Variants in STARD10 observed in about 807,000 individuals in gnomAD.
The protein encoded by STARD10 is StAR related lipid transfer domain containing 10.
Under a neutral mutation model 36.0 loss-of-function variants are expected in STARD10, and 24 were observed. The observed-to-expected ratio is 0.67, with a 90% CI of 0.48 to 0.94. STARD10 has a LOEUF of 0.94. Ranked by LOEUF, STARD10 falls within the 40% of genes least tolerant of loss-of-function variation. STARD10 has a pLI of 0.00. For missense variants in STARD10, 335 were observed against 396.6 expected, an observed-to-expected ratio of 0.84 and a Z score of 1.32; for synonymous variants, 156 against 161.9, an observed-to-expected ratio of 0.96 and a Z score of 0.28.
At chr11:72,773,006 C>CTT (rs1451626696) in intron 2 of STARD10, among the ~76,000 whole-genome samples, 1 of 152,224 alleles carries the variant, frequency 6.6e-6, no homozygotes, top group Non-Finnish European at 1.5e-5. Context: ...GGCCTTGAGT[C>CTT]TCTTAAGAGC....
At chr11:72,792,742 G>C (rs899461215) in intron 1 of STARD10, 133 bp downstream of exon 1, 2 of 152,700 alleles carry the variant, frequency 1.3e-5, no homozygotes, top group African/African-American at 4.8e-5. Context: ...GGAGTTACCT[G>C]AGTACCCAAT....
At chr11:72,786,073 CG>C (rs1177417536) in intron 1 of STARD10, 1 of 152,496 alleles carries the variant, frequency 6.6e-6, no homozygotes, top group African/African-American at 2.4e-5. Flanking sequence ...TGCAGCAGGC[CG>C]GGCGCGGTGG....
At chr11:72,759,633 G>A (rs1858690742) in intron 2 of STARD10, among the ~76,000 whole-genome samples, 2 of 152,146 alleles carry the variant, frequency 1.3e-5, no homozygotes, top group African/African-American at 4.8e-5. Context: ...TCCTCCTCCA[G>A]GAAGCCTTCC....
chr11:72,783,764 T>C (rs188086272), intron 1 of STARD10, among the ~76,000 whole-genome samples: 1 of 152,160 alleles, frequency 6.6e-6, no homozygotes, highest in Non-Finnish European at 1.5e-5. Context: ...AAACCTCTCA[T>C]ACCCACCATC....
chr11:72,769,419 A>T (rs894151005), intron 2 of STARD10, among the ~76,000 whole-genome samples: 2 of 152,216 alleles, frequency 1.3e-5, no homozygotes, highest in African/African-American at 4.8e-5. Flanking sequence ...ATTTAAAAAG[A>T]AATTTCTCTT....
intron 1 of STARD10, among the ~76,000 whole-genome samples, chr11:72,786,354 G>A (rs1466276983): frequency 6.6e-6 from 1 of 150,932 alleles, no homozygotes; most frequent in Admixed American, 6.6e-5. Flanking sequence ...TCTGTCTCCA[G>A]TTAAAAAAAA....
At chr11:72,765,731 G>T (rs1858779100) in intron 2 of STARD10, among the ~76,000 whole-genome samples, 1 of 151,960 alleles carries the variant, frequency 6.6e-6, no homozygotes, top group Admixed American at 6.6e-5. Context: ...AGCACTTCGG[G>T]AGGCCGAGGC....
chr11:72,757,701 G>T lies in STARD10; in HGVS notation c.577+66C>A, dbSNP rs1186919509. The T allele has an allele frequency of 2.1e-6, 3 of 1,455,226 alleles. No individual in the cohort carries two copies. The African/African-American group carries it at 4.2e-5, about 20-fold the overall frequency. 90.1% of individuals were successfully genotyped at this position (1,455,226 alleles called of 1,614,324 possible). A position where few individuals can be genotyped will look rare whatever the true frequency, so the allele number is the denominator to read the frequency against. On this transcript the variant is annotated intron_variant, in intron 5 of 6. Coordinates refer to ENST00000334805, the MANE Select transcript of STARD10 (RefSeq NM_006645.3). The stretch of plus-strand genomic sequence containing the variant: ...CAGATGCCCTTCTGGATCCCTAGTA[G>T]ATCAGGCCCCACCCCTGTGGTATAG...
At chr11:72,766,102 T>A (rs1858785274) in intron 2 of STARD10, 1 of 152,152 alleles carries the variant, frequency 6.6e-6, no homozygotes, top group Non-Finnish European at 1.5e-5. Context: ...CACTACTGCA[T>A]TTGACTAGTC....
chr11:72,772,233 T>C (rs148126260), intron 2 of STARD10, among the ~76,000 whole-genome samples: 2,283 of 122,188 alleles, frequency 0.019, 52 homozygotes, highest in African/African-American at 0.056. Flanking sequence ...ATAGTGGGCA[T>C]GGCTCCCCTG....
intron 2 of STARD10, among the ~76,000 whole-genome samples, chr11:72,769,921 C>G (rs1221744310): frequency 6.6e-6 from 1 of 152,086 alleles, no homozygotes; most frequent in South Asian, 2.1e-4. Flanking sequence ...CCTTCAGAAC[C>G]CAGACAGGCC....
intron 5 of STARD10, 101 bp from the exon 6 acceptor site, chr11:72,755,854 T>C (rs1858637811): frequency 1.8e-6 from 2 of 1,103,962 alleles, no homozygotes; most frequent in African/African-American, 3.2e-5. Context: ...GAGGCCACTG[T>C]CTTCCCCATG....
intron 2 of STARD10, among the ~76,000 whole-genome samples, chr11:72,760,810 T>C (rs1191125003): frequency 6.7e-6 from 1 of 150,300 alleles, no homozygotes; most frequent in East Asian, 1.9e-4. Flanking sequence ...TCAATATCCT[T>C]GTTCTGTGAT....
intron 1 of STARD10, among the ~76,000 whole-genome samples, chr11:72,792,016 C>T (rs988985486): frequency 9.6e-5 from 14 of 145,472 alleles, no homozygotes; most frequent in South Asian, 4.4e-4. Flanking sequence ...CTGGGACTAC[C>T]GGCATACACC....
At chr11:72,784,783 C>T (rs1014633569) in intron 1 of STARD10, among the ~76,000 whole-genome samples, 1 of 152,284 alleles carries the variant, frequency 6.6e-6, no homozygotes, top group Non-Finnish European at 1.5e-5. Context: ...TGGGGCATCA[C>T]GGAGCAGGAG....
intron 2 of STARD10, among the ~76,000 whole-genome samples, chr11:72,774,389 G>A (rs1424995259): frequency 1.3e-5 from 2 of 152,190 alleles, no homozygotes; most frequent in African/African-American, 2.4e-5. Flanking sequence ...AGCTCCAGCT[G>A]CCCTGTGCCA....
chr11:72,788,008 G>A (rs1429905110), intron 1 of STARD10, among the ~76,000 whole-genome samples: 1 of 152,148 alleles, frequency 6.6e-6, no homozygotes, highest in East Asian at 1.9e-4. Context: ...GTTTGGGGGG[G>A]GCAGCCCCAA....
intron 1 of STARD10, among the ~76,000 whole-genome samples, chr11:72,787,372 C>T (rs2135040836): frequency 6.6e-6 from 1 of 152,324 alleles, no homozygotes; most frequent in East Asian, 1.9e-4. Context: ...AGAAGTCTAG[C>T]TGCAATCCCT....
chr11:72,773,494 CACACACACAGAGTAACG>C (rs1858891071), intron 2 of STARD10, among the ~76,000 whole-genome samples: 1 of 152,206 alleles, frequency 6.6e-6, no homozygotes, highest in African/African-American at 2.4e-5. Flanking sequence ...GGGTGTGACT[CACACACACAGAGTAACG>C]CCAGACACAG....
Sources: gnomAD v4.1 joint callset for allele counts (sites outside exome capture counted in the v4.1 genomes callset) on GRCh38, gnomAD v4.1.1 for gene constraint, MANE v1.5 for transcripts, NCBI Gene and HGNC (gene_info 2026-07-23, HGNC 2026-07-21) for gene names.